MEI1: variants seen among roughly 807,000 people sequenced by gnomAD.
MEI1 encodes meiotic double-stranded break formation protein 1.
Under a neutral mutation model 146.2 loss-of-function variants are expected in MEI1, and 103 were observed. The observed-to-expected ratio is 0.70, with a 90% CI of 0.60 to 0.83. The LOEUF is 0.83. MEI1 is among the 40% of genes least tolerant of loss of function. The pLI, the probability that MEI1 is intolerant of heterozygous loss-of-function variation, is 0.00. For synonymous variants in MEI1, 652 were observed against 628.2 expected (o/e 1.04, Z -0.57); for missense variants, 1,529 against 1,533.0 (o/e 1.00, Z 0.04).
At chr22:41,755,476 T>C (rs1754928935) in intron 17 of MEI1, among the ~76,000 whole-genome samples, 1 of 152,220 alleles carries the variant, frequency 6.6e-6, no homozygotes, top group South Asian at 2.1e-4. Flanking sequence ...TGTTAAGGCA[T>C]GATCTGGCCT....
In MEI1 at chr22:41,763,258, G is replaced by A; in HGVS notation, c.2205G>A (p.Val735=). The change falls in exon 19 of 31, where the codon GTG becomes GTA. Residue 735 remains valine (V), a synonymous_variant. Coordinates refer to ENST00000401548, the MANE Select transcript of MEI1 (RefSeq NM_152513.4). Reference sequence around the variant, plus strand: ...ACCAGGGCGAGCGCCCCCCACTGGTGGTCTTCAAAGCCTCCATCTATCTGC... The same window carrying A: ...ACCAGGGCGAGCGCCCCCCACTGGTAGTCTTCAAAGCCTCCATCTATCTGC... ...LQDQGERPPL[V]VFKASIYLLA... 3 of 1,613,866 alleles carry A rather than the reference G, an allele frequency of 1.9e-6. No homozygotes were observed. Among genetic ancestry groups the A allele is most frequent in the Non-Finnish European group, 2.5e-6 (3 of 1,179,796 alleles).
At chr22:41,769,003 A>G (rs1003832332) in intron 19 of MEI1, among the ~76,000 whole-genome samples, 1 of 152,252 alleles carries the variant, frequency 6.6e-6, no homozygotes, top group Non-Finnish European at 1.5e-5. Context: ...TGCTCTCCAA[A>G]TTGATCGGTA....
At chr22:41,715,686 G>T (rs934690193) in intron 4 of MEI1, among the ~76,000 whole-genome samples, 2 of 151,942 alleles carry the variant, frequency 1.3e-5, no homozygotes, top group Admixed American at 6.6e-5. Flanking sequence ...GAGCCACCAC[G>T]CCTGGCCAAC....
chr22:41,785,474 G>A (rs2075933371), intron 26 of MEI1, among the ~76,000 whole-genome samples: 2 of 151,206 alleles, frequency 1.3e-5, no homozygotes, highest in South Asian at 4.2e-4. Context: ...GTGTTAGCCA[G>A]GATGGTCTTG....
chr22:41,766,947 C>T (rs1166472777), intron 19 of MEI1, among the ~76,000 whole-genome samples: 1 of 152,136 alleles, frequency 6.6e-6, no homozygotes, highest in Admixed American at 6.5e-5. Context: ...GTTTAGAAGG[C>T]AGAACAGGGA....
intron 4 of MEI1, among the ~76,000 whole-genome samples, chr22:41,714,938 A>G (rs1056365120): frequency 2.6e-5 from 4 of 152,170 alleles, no homozygotes; most frequent in Non-Finnish European, 1.5e-5. Context: ...ACTGAGGAAT[A>G]ATATCAGAAT....
At chr22:41,782,947 C>G (rs1406321558) in intron 24 of MEI1, among the ~76,000 whole-genome samples, 1 of 152,158 alleles carries the variant, frequency 6.6e-6, no homozygotes, top group Admixed American at 6.5e-5. Context: ...GGCCACCCGC[C>G]TCTTCCCTCC....
chr22:41,710,552 G>A (rs2069459098), intron 3 of MEI1, among the ~76,000 whole-genome samples: 1 of 152,168 alleles, frequency 6.6e-6, no homozygotes, highest in African/African-American at 2.4e-5. Context: ...TTCAGATGGT[G>A]GAATAACTGA....
intron 27 of MEI1, 65 bp downstream of exon 27, chr22:41,793,975 C>A: frequency 7.2e-7 from 1 of 1,397,128 alleles, no homozygotes; most frequent in Non-Finnish European, 1.0e-6. Flanking sequence ...CACCCTTCCA[C>A]CCTCCTGCTC....
chr22:41,763,119 A>T, intron 18 of MEI1, 55 bp from the exon 19 acceptor site: 5 of 1,591,360 alleles, frequency 3.1e-6, no homozygotes, highest in Non-Finnish European at 4.3e-6. Flanking sequence ...AGAATAGAAG[A>T]GCCCAGTGGC....
Position 41,794,192 on chromosome 22 carries a change from G to A in MEI1, c.3428-179G>A, listed in dbSNP as rs115701896. 1.5e-3 allele frequency among the ~76,000 whole-genome samples: 221 copies of A among 152,274 alleles called. 1 individual carries two copies. The highest frequency in any genetic ancestry group is 5.2e-3 in the African/African-American group (216 of 41,556). Reference sequence around the variant, plus strand: ...CAATCATGGCGTATATAGTTTCACCGAGCCAGTCAACATAAGTGGATTAGA... The same window carrying A: ...CAATCATGGCGTATATAGTTTCACCAAGCCAGTCAACATAAGTGGATTAGA... On this transcript the variant is annotated intron_variant, in intron 27 of 30. Transcript: ENST00000401548.
chr22:41,751,853 T>TCTC (rs2073776219), intron 15 of MEI1, among the ~76,000 whole-genome samples: 1 of 150,480 alleles, frequency 6.6e-6, no homozygotes, highest in Non-Finnish European at 1.5e-5. Flanking sequence ...GGGTGGATCA[T>TCTC]GAGGTCAAGA....
rs536692707 is a variant in MEI1, at chr22:41,706,130, C to T, written c.349+576C>T. Among the ~76,000 whole-genome samples the T allele has an allele frequency of 8.6e-5, 13 of 151,952 alleles. No homozygotes were observed. The East Asian group carries it at 2.5e-3, about 29-fold the overall frequency. Reference sequence around the variant, plus strand: ...AACTCCTGGGTTCAAGCAATCTTCCCGCCTCAGCCTCCCGAGTATCTGGGA... The same window carrying T: ...AACTCCTGGGTTCAAGCAATCTTCCTGCCTCAGCCTCCCGAGTATCTGGGA... On this transcript the variant is annotated intron_variant, in intron 3 of 30. Transcript: ENST00000401548.
chr22:41,767,155 C>G (rs1472552859), intron 19 of MEI1, among the ~76,000 whole-genome samples: 1 of 152,172 alleles, frequency 6.6e-6, no homozygotes, highest in Non-Finnish European at 1.5e-5. Context: ...TGCTAGCTCC[C>G]AGGCCTTTCC....
rs190896948 is a variant in MEI1 at position 41,757,367 on chromosome 22, T to A, written c.1952-998T>A. Among the ~76,000 whole-genome samples, 26 of 152,200 alleles carry A rather than the reference T, an allele frequency of 1.7e-4. 1 individual carries two copies. The highest frequency in any genetic ancestry group is 1.6e-3 in the Admixed American group (25 of 15,282). ...CCTCGGCCTCCCAAAGCTTGCTTTC[T>A]TTTTTCTGAGATGGAGTTTCGCGCT... is the stretch of plus-strand genomic sequence containing the variant. On this transcript the variant is annotated intron_variant, in intron 17 of 30. Coordinates refer to ENST00000401548, the MANE Select transcript of MEI1 (RefSeq NM_152513.4).
intron 4 of MEI1, among the ~76,000 whole-genome samples, chr22:41,715,555 C>A (rs1308963142): frequency 6.6e-6 from 1 of 151,978 alleles, no homozygotes; most frequent in Non-Finnish European, 1.5e-5. Context: ...CCCACCACAC[C>A]CGGCTAATTT....
At chr22:41,738,830 T>C (rs2072615206) in intron 11 of MEI1, among the ~76,000 whole-genome samples, 1 of 151,692 alleles carries the variant, frequency 6.6e-6, no homozygotes, top group Non-Finnish European at 1.5e-5. Context: ...TAGCTGGGTG[T>C]GGTGGCATGC....
intron 26 of MEI1, among the ~76,000 whole-genome samples, chr22:41,790,863 A>C (rs570875596): frequency 6.6e-6 from 1 of 152,310 alleles, no homozygotes; most frequent in East Asian, 1.9e-4. Flanking sequence ...TGCTGGGATT[A>C]CAGGCGTGAG....
At position 41,758,366 on chromosome 22, in the gene MEI1, ACT is replaced by A. The variant is rs1441876384; in HGVS notation, c.1958_1959del (p.Ser653CysfsTer4). 5 of 1,611,658 alleles carry A rather than the reference ACT, an allele frequency of 3.1e-6. No homozygotes were observed. Among genetic ancestry groups the A allele is most frequent in the African/African-American group, 1.3e-5 (1 of 74,698 alleles). Reference protein sequence around the residue: ...EKTGPPSKEELSAVSELLQHG... With the variant: ...EKTGPPSKEEXSAVSELLQHG... ...TTCCTCTACTTATTCCCTCCCTAGA[ACT>A]CTCTGCAGTGTCTGAGCTCCTGCAG... On this transcript the variant is annotated frameshift_variant and splice_region_variant, in exon 18 of 31. Transcript: ENST00000401548. LOFTEE classifies it high-confidence loss of function.
Sources: allele counts gnomAD v4.1 joint callset (sites outside exome capture counted in the v4.1 genomes callset), GRCh38; gene constraint gnomAD v4.1.1; transcripts MANE v1.5; gene names NCBI Gene and HGNC (gene_info 2026-07-23, HGNC 2026-07-21).